RPS6KC1: variants seen among roughly 807,000 people sequenced by gnomAD.
RPS6KC1 encodes the protein inactive ribosomal protein S6 kinase delta-1.
In RPS6KC1, 54 loss-of-function variants were observed where a neutral mutation model predicts 103.8. That is an observed-to-expected ratio of 0.52 (90% confidence interval 0.42 to 0.65). RPS6KC1 has a LOEUF of 0.65. Ranked by LOEUF, RPS6KC1 falls within the 30% of genes least tolerant of loss-of-function variation. The pLI, the probability that RPS6KC1 is intolerant of heterozygous loss-of-function variation, is 0.00. For missense variants in RPS6KC1, 1,151 were observed against 1,253.8 expected (o/e 0.92, Z 1.24); for synonymous variants, 439 against 438.7 (o/e 1.00, Z -0.01).
intron 1 of RPS6KC1, among the ~76,000 whole-genome samples, chr1:213,065,293 A>T (rs898851993): frequency 1.3e-5 from 2 of 152,156 alleles, no homozygotes; most frequent in Non-Finnish European, 2.9e-5. Context: ...ACTTTTAATG[A>T]AAACAGTCAC....
At chr1:213,706,709 CG>C in the RPS6KC1 span, among the ~76,000 whole-genome samples, 1 of 152,110 alleles carries the variant, frequency 6.6e-6, no homozygotes, top group Non-Finnish European at 1.5e-5. Context: ...GCCCCCCACC[CG>C]TTGACAGGCC....
the RPS6KC1 span, among the ~76,000 whole-genome samples, chr1:213,630,937 G>A: frequency 1.8e-4 from 28 of 152,346 alleles, no homozygotes; most frequent in African/African-American, 5.5e-4. Flanking sequence ...TCCTCTGGAA[G>A]TTTTGTCTCA....
At chr1:213,608,918 T>C in the RPS6KC1 span, among the ~76,000 whole-genome samples, 1 of 152,230 alleles carries the variant, frequency 6.6e-6, no homozygotes, top group South Asian at 2.1e-4. Flanking sequence ...CTTGGTTGTT[T>C]AGCATTTAGG....
At chr1:213,613,622 C>T in the RPS6KC1 span, among the ~76,000 whole-genome samples, 1 of 152,194 alleles carries the variant, frequency 6.6e-6, no homozygotes, top group Non-Finnish European at 1.5e-5. Flanking sequence ...TCTTAAGCTT[C>T]TCTAATGGTG....
At chr1:213,594,385 G>C in the RPS6KC1 span, among the ~76,000 whole-genome samples, 5,326 of 152,242 alleles carry the variant, frequency 0.035, 291 homozygotes, top group East Asian at 0.27. Flanking sequence ...GTTTTGGATA[G>C]AGGGGTAAAA....
At chr1:213,110,208 C>T (rs1162226111) in intron 4 of RPS6KC1, among the ~76,000 whole-genome samples, 12 of 152,186 alleles carry the variant, frequency 7.9e-5, no homozygotes, top group Admixed American at 6.5e-4. Context: ...TTTGTTCCCT[C>T]ACAGATAGTT....
At chr1:213,089,741 C>T (rs1297352998) in intron 3 of RPS6KC1, among the ~76,000 whole-genome samples, 2 of 152,180 alleles carry the variant, frequency 1.3e-5, no homozygotes, top group African/African-American at 4.8e-5. Flanking sequence ...GGATTACAGG[C>T]GTGAGCCACC....
intron 6 of RPS6KC1, among the ~76,000 whole-genome samples, chr1:213,141,827 T>A (rs555684927): frequency 6.6e-6 from 1 of 152,130 alleles, no homozygotes; most frequent in South Asian, 2.1e-4. Flanking sequence ...TCGTATCTTT[T>A]TTTTTTTCTT....
At chr1:213,312,157 A>C in the RPS6KC1 span, among the ~76,000 whole-genome samples, 1 of 151,944 alleles carries the variant, frequency 6.6e-6, no homozygotes, top group African/African-American at 2.4e-5. Flanking sequence ...CAGTCTCCCA[A>C]AGTGCTGGGA....
chr1:213,066,078 T>C (rs1188179361), intron 1 of RPS6KC1, among the ~76,000 whole-genome samples: 2 of 152,236 alleles, frequency 1.3e-5, no homozygotes, highest in Non-Finnish European at 2.9e-5. Context: ...TTCATTAATA[T>C]AAAATTCTTC....
At chr1:213,430,088 C>A in the RPS6KC1 span, among the ~76,000 whole-genome samples, 1 of 152,180 alleles carries the variant, frequency 6.6e-6, no homozygotes, top group Non-Finnish European at 1.5e-5. Context: ...CCTTCGCAGT[C>A]ACCTAGTCGT....
At chr1:213,766,251 A>C in the RPS6KC1 span, among the ~76,000 whole-genome samples, 1 of 152,188 alleles carries the variant, frequency 6.6e-6, no homozygotes, top group African/African-American at 2.4e-5. Flanking sequence ...CCGAGTCTTA[A>C]AAACATGCAA....
At chr1:213,169,837 A>C (rs1160170961) in intron 7 of RPS6KC1, among the ~76,000 whole-genome samples, 1 of 143,188 alleles carries the variant, frequency 7.0e-6, no homozygotes, top group Non-Finnish European at 1.5e-5. Context: ...GCTGGAGTGC[A>C]GTGGCGCGAT....
At chr1:213,176,575 G>A in intron 8 of RPS6KC1, 83 bp downstream of exon 8, 1 of 910,748 alleles carries the variant, frequency 1.1e-6, no homozygotes, top group South Asian at 1.9e-5. Context: ...TGGATCTTAA[G>A]GATATGAAAC....
In RPS6KC1 at chr1:213,207,489, A is replaced by G. The variant is rs538966819; in HGVS notation, c.1045-23008A>G. 2.0e-5 allele frequency among the ~76,000 whole-genome samples: 3 copies of G among 151,798 alleles called. 1 individual carries two copies. The highest frequency in any genetic ancestry group is 4.8e-5 in the African/African-American group (2 of 41,414). On this transcript the variant is annotated intron_variant, in intron 8 of 14. Coordinates refer to ENST00000366960, the MANE Select transcript of RPS6KC1 (RefSeq NM_012424.6). Reference sequence around the variant, plus strand: ...ACAAAATAGCTTTTGTTCAGCTTGCATTTCCTCCCCTCACCCTTCCACAAC... The same window carrying G: ...ACAAAATAGCTTTTGTTCAGCTTGCGTTTCCTCCCCTCACCCTTCCACAAC...
At chr1:213,079,902 C>G (rs1191020083) in intron 3 of RPS6KC1, among the ~76,000 whole-genome samples, 1 of 150,384 alleles carries the variant, frequency 6.6e-6, no homozygotes, top group African/African-American at 2.4e-5. Context: ...AAGCTTATAC[C>G]ATTTTTTCTT....
At chr1:213,706,386 C>T in the RPS6KC1 span, among the ~76,000 whole-genome samples, 6 of 152,080 alleles carry the variant, frequency 3.9e-5, no homozygotes, top group Non-Finnish European at 7.4e-5. Flanking sequence ...GAGTTCAGTG[C>T]CTCACAATTG....
intron 5 of RPS6KC1, among the ~76,000 whole-genome samples, chr1:213,128,162 C>T (rs2085201832): frequency 1.3e-5 from 2 of 152,162 alleles, no homozygotes; most frequent in South Asian, 4.1e-4. Context: ...CAACATATGA[C>T]AACAGATTGT....
the RPS6KC1 span, among the ~76,000 whole-genome samples, chr1:213,542,534 C>T: frequency 6.6e-6 from 1 of 152,184 alleles, no homozygotes; most frequent in African/African-American, 2.4e-5. Context: ...TGCTCTTTCT[C>T]TCTAAATTTT....
Sources: allele counts gnomAD v4.1 joint callset (sites outside exome capture counted in the v4.1 genomes callset), GRCh38; gene constraint gnomAD v4.1.1; transcripts MANE v1.5; gene names NCBI Gene and HGNC (gene_info 2026-07-23, HGNC 2026-07-21).